Variants in GSE1 observed in about 807,000 individuals in gnomAD.
GSE1 encodes the protein genetic suppressor element 1.
Under a neutral mutation model 112.6 loss-of-function variants are expected in GSE1, and 32 were observed. The ratio of observed to expected loss-of-function variants is 0.28; its 90% CI spans 0.21 to 0.38. The LOEUF is 0.38. GSE1 is among the 10% of genes least tolerant of loss of function. The probability of loss-of-function intolerance (pLI) is 1.00; values close to 1 mark genes in which losing one functional copy is unlikely to be tolerated. For synonymous variants in GSE1, 1,115 were observed against 735.6 expected, an observed-to-expected ratio of 1.52 and a Z score of -8.35; for missense variants, 2,348 against 1,699.2, an observed-to-expected ratio of 1.38 and a Z score of -6.71.
At position 85,672,844 on chromosome 16, in the gene GSE1, G is replaced by GCAA; in HGVS notation, c.*308_*310dup. 4.8e-6 allele frequency: 1 copy of GCAA among 206,980 alleles called. No individual in the cohort carries two copies. The highest frequency in any genetic ancestry group is 1.1e-4 in the East Asian group (1 of 9,250). The allele number at this position is 206,980 out of a possible 1,614,324, so 12.8% of individuals were successfully genotyped here. ...TAATCTGAACATGAAGGCTCCATTA[G>GCAA]CAACACTAAAACTTGATCATTAACA... On this transcript the variant is annotated 3_prime_UTR_variant, in exon 16 of 16. Coordinates refer to ENST00000253458, the MANE Select transcript of GSE1 (RefSeq NM_014615.5).
chr16:85,202,203 T>C (rs2075041017), intron 1 of GSE1, among the ~76,000 whole-genome samples: 1 of 152,232 alleles, frequency 6.6e-6, no homozygotes, highest in Non-Finnish European at 1.5e-5. Flanking sequence ...GGGCTGGGGC[T>C]GGCTGTCCCC....
chr16:85,478,845 TTCTTTCTTTC>T (rs1204821300), intron 2 of GSE1, among the ~76,000 whole-genome samples: 1 of 16,384 alleles, frequency 6.1e-5, no homozygotes, highest in Non-Finnish European at 1.8e-4. Context: ...TTTATTTTCT[TTCTTTCTTTC>T]TTTCTTTCTT....
chr16:85,534,895 T>C (rs1277751154), intron 2 of GSE1, among the ~76,000 whole-genome samples: 2 of 152,240 alleles, frequency 1.3e-5, no homozygotes, highest in Non-Finnish European at 2.9e-5. Flanking sequence ...TCCAGTCTTT[T>C]GCTTTGGGAC....
chr16:85,656,388 C>CGAGCGCGAGCGCGAGCGCGAGCGT lies in GSE1; in HGVS notation c.1046_1047insCGAGCGCGAGCGTGAGCGCGAGCG (p.Arg345_Glu352dup). ...TAAGGCGGGAGAGGGAGCGCGAGCGCGAGCGCGAGCGTGAGCGTGAGGCTG... is the reference window on the plus strand; with the variant it reads ...TAAGGCGGGAGAGGGAGCGCGAGCGCGAGCGCGAGCGCGAGCGCGAGCGTGAGCGCGAGCGTGAGCGTGAGGCTG... On this transcript the variant is annotated inframe_insertion, in exon 7 of 16. Coordinates refer to ENST00000253458, the MANE Select transcript of GSE1 (RefSeq NM_014615.5). 6.4e-7 allele frequency: 1 copy of CGAGCGCGAGCGCGAGCGCGAGCGT among 1,560,192 alleles called. No individual in the cohort carries two copies. The highest frequency in any genetic ancestry group is 2.3e-5 in the East Asian group (1 of 43,360).
chr16:85,263,957 A>G (rs952795758), intron 1 of GSE1, among the ~76,000 whole-genome samples: 4 of 152,158 alleles, frequency 2.6e-5, no homozygotes, highest in African/African-American at 4.8e-5. Context: ...GTGGACAGAC[A>G]GAGCTTAGTC....
chr16:85,576,706 C>T (rs2046241643), intron 1 of GSE1, among the ~76,000 whole-genome samples: 1 of 152,306 alleles, frequency 6.6e-6, no homozygotes, highest in South Asian at 2.1e-4. Flanking sequence ...CTTTTCTTTC[C>T]CAAGTGTCCA....
chr16:85,271,777 C>T (rs899099902), intron 1 of GSE1, among the ~76,000 whole-genome samples: 10 of 152,062 alleles, frequency 6.6e-5, no homozygotes, highest in African/African-American at 9.7e-5. Flanking sequence ...AGAGCAGTGC[C>T]GCCTGGAGGG....
intron 1 of GSE1, among the ~76,000 whole-genome samples, chr16:85,238,371 G>T (rs988110764): frequency 2.0e-5 from 3 of 152,220 alleles, no homozygotes; most frequent in African/African-American, 7.2e-5. Context: ...GGGGGGCGGT[G>T]TTCCGGAGAC....
intron 2 of GSE1, among the ~76,000 whole-genome samples, chr16:85,413,167 C>T (rs1376051549): frequency 2.0e-5 from 3 of 152,206 alleles, no homozygotes; most frequent in Non-Finnish European, 4.4e-5. Flanking sequence ...GCAACAAGCA[C>T]GTGGAAGTGC....
intron 1 of GSE1, among the ~76,000 whole-genome samples, chr16:85,261,887 G>C (rs899648740): frequency 6.6e-6 from 1 of 152,200 alleles, no homozygotes; most frequent in Non-Finnish European, 1.5e-5. Flanking sequence ...CGCTTTGGCT[G>C]TCCCTGGGGG....
chr16:85,238,153 G>C (rs979955248), intron 1 of GSE1, among the ~76,000 whole-genome samples: 2 of 152,136 alleles, frequency 1.3e-5, no homozygotes. Context: ...GTGGGTGGGT[G>C]CAGGAAGACC....
At chr16:85,337,926 T>A (rs568759370) in intron 1 of GSE1, among the ~76,000 whole-genome samples, 1 of 152,386 alleles carries the variant, frequency 6.6e-6, no homozygotes, top group Non-Finnish European at 1.5e-5. Context: ...GGACCCAGCC[T>A]GGAGTTGGAG....
At chr16:85,639,088 C>T (rs1000644982) in intron 2 of GSE1, among the ~76,000 whole-genome samples, 2 of 152,224 alleles carry the variant, frequency 1.3e-5, no homozygotes, top group Admixed American at 6.5e-5. Flanking sequence ...TCCCAGCGAC[C>T]GGCCTGGGCT....
intron 2 of GSE1, among the ~76,000 whole-genome samples, chr16:85,543,589 T>C (rs2044598630): frequency 6.6e-6 from 1 of 152,182 alleles, no homozygotes; most frequent in South Asian, 2.1e-4. Flanking sequence ...ATCCCTGTCT[T>C]GGAACCATTG....
intron 2 of GSE1, among the ~76,000 whole-genome samples, chr16:85,410,197 A>C (rs1423396275): frequency 8.9e-5 from 2 of 22,510 alleles, no homozygotes; most frequent in East Asian, 1.3e-3. Context: ...TGTTACACTC[A>C]GGCCCCCGGA....
At chr16:85,238,989 G>A (rs1904949180) in intron 1 of GSE1, among the ~76,000 whole-genome samples, 3 of 152,072 alleles carry the variant, frequency 2.0e-5, no homozygotes, top group Admixed American at 1.3e-4. Context: ...GTGCAGTGGT[G>A]CGATCTCGGC....
At chr16:85,472,164 C>G (rs1368472005) in intron 2 of GSE1, among the ~76,000 whole-genome samples, 1 of 152,174 alleles carries the variant, frequency 6.6e-6, no homozygotes, top group Non-Finnish European at 1.5e-5. Context: ...GTTGAGAAAT[C>G]CTTGCTTAAG....
At chr16:85,671,476 A>C (rs1223053680) in intron 15 of GSE1, among the ~76,000 whole-genome samples, 2 of 144,056 alleles carry the variant, frequency 1.4e-5, no homozygotes, top group Admixed American at 6.9e-5. Context: ...TTTGGACTGC[A>C]TGCAATGGCT....
At position 85,657,501 on chromosome 16, in the gene GSE1, T is replaced by C; in HGVS notation, c.1537T>C (p.Ser513Pro). The change falls in exon 8 of 16, where the codon TCT (serine) becomes CCT (proline). Residue 513 changes from serine (S) to proline (P), a missense_variant. Coordinates refer to ENST00000253458, the MANE Select transcript of GSE1 (RefSeq NM_014615.5). Reference protein sequence around the residue: ...RLRQEKEDRQSQVSEFRQQVL... With the variant: ...RLRQEKEDRQPQVSEFRQQVL... ...GCGGCAGGAGAAGGAGGACCGGCAG[T>C]CTCAGGTGTCCGAGTTCCGGCAGCA... The C allele has an allele frequency of 1.9e-6, 3 of 1,606,258 alleles. No individual in the cohort carries two copies. Among genetic ancestry groups the C allele is most frequent in the South Asian group, 1.1e-5 (1 of 90,202 alleles).
Sources: gnomAD v4.1 joint callset for allele counts (sites outside exome capture counted in the v4.1 genomes callset) on GRCh38, gnomAD v4.1.1 for gene constraint, MANE v1.5 for transcripts, NCBI Gene and HGNC (gene_info 2026-07-23, HGNC 2026-07-21) for gene names.